Variants in SMARCA5 observed in about 807,000 individuals in gnomAD.
SMARCA5 encodes SNF2 related chromatin remodeling ATPase 5.
In SMARCA5, 18 loss-of-function variants were observed where a neutral mutation model predicts 140.4. The observed-to-expected ratio is 0.13, with a 90% CI of 0.09 to 0.19. The LOEUF (loss-of-function observed/expected upper bound fraction) is 0.19. Among genes scored for constraint, SMARCA5 ranks in the 10% least tolerant of loss-of-function variants. The pLI, the probability that SMARCA5 is intolerant of heterozygous loss-of-function variation, is 1.00. For missense variants in SMARCA5, 606 were observed against 1,276.8 expected, an observed-to-expected ratio of 0.47 and a Z score of 8.01; for synonymous variants, 449 against 419.6, an observed-to-expected ratio of 1.07 and a Z score of -0.86.
chr4:143,540,321 G>A, intron 13 of SMARCA5, 42 bp from the exon 14 acceptor site: 1 of 1,501,690 alleles, frequency 6.7e-7, no homozygotes, highest in Non-Finnish European at 9.0e-7. Context: ...TTATTTATGT[G>A]ACTTTTAAAC....
chr4:143,532,070 G>A (rs192571643), intron 9 of SMARCA5, among the ~76,000 whole-genome samples: 54 of 152,322 alleles, frequency 3.5e-4, no homozygotes, highest in African/African-American at 1.2e-3. Flanking sequence ...CTGGCACAAT[G>A]CCTAGTTAGA....
chr4:143,547,467 A>G lies in SMARCA5; in HGVS notation c.2736A>G (p.Gln912=). ...AQIERGEARI[Q]RRISIKKALD... The stretch of plus-strand genomic sequence containing the variant: ...TTGAAAGGGGAGAGGCGAGAATTCA[A>G]AGAAGAATAAGCATCAAGAAAGCAC... Residue 912 remains glutamine, a synonymous_variant, in exon 21 of 24, where the codon CAA becomes CAG. Transcript: ENST00000283131. 1.2e-6 allele frequency: 2 copies of G among 1,606,494 alleles called. No individual in the cohort carries two copies. Among genetic ancestry groups the G allele is most frequent in the Non-Finnish European group, 1.7e-6 (2 of 1,173,448 alleles).
At chr4:143,540,319 G>T in intron 13 of SMARCA5, 44 bp from the exon 14 acceptor site, 1 of 1,499,050 alleles carries the variant, frequency 6.7e-7, no homozygotes. Flanking sequence ...TGTTATTTAT[G>T]TGACTTTTAA....
At chr4:143,519,979 C>T (rs1478830464) in intron 2 of SMARCA5, among the ~76,000 whole-genome samples, 1 of 152,072 alleles carries the variant, frequency 6.6e-6, no homozygotes, top group East Asian at 1.9e-4. Context: ...TACCTCATTT[C>T]TTCCTGTTTC....
At chr4:143,539,335 T>C (rs1737382513) in intron 13 of SMARCA5, among the ~76,000 whole-genome samples, 1 of 152,188 alleles carries the variant, frequency 6.6e-6, no homozygotes, top group Non-Finnish European at 1.5e-5. Flanking sequence ...AGTATAGTTA[T>C]ATCACAGGAC....
At chr4:143,525,385 T>C (rs570704869) in intron 4 of SMARCA5, 66 bp from the exon 5 acceptor site, 1 of 954,412 alleles carries the variant, frequency 1.0e-6, no homozygotes, top group East Asian at 2.4e-5. Flanking sequence ...TGTGTAGGCT[T>C]AGATGAAGAG....
intron 9 of SMARCA5, among the ~76,000 whole-genome samples, chr4:143,534,050 C>T (rs1486910268): frequency 1.3e-5 from 2 of 152,074 alleles, no homozygotes; most frequent in Non-Finnish European, 2.9e-5. Flanking sequence ...CACCGTTTTC[C>T]CAACGGCATG....
chr4:143,516,301 A>T (rs756425418), intron 1 of SMARCA5, among the ~76,000 whole-genome samples: 1 of 150,660 alleles, frequency 6.6e-6, no homozygotes, highest in African/African-American at 2.4e-5. Flanking sequence ...CTTGATACTA[A>T]TAGGTCAATG....
At chr4:143,536,357 G>A in intron 10 of SMARCA5, 95 bp from the exon 11 acceptor site, 2 of 777,096 alleles carry the variant, frequency 2.6e-6, no homozygotes, top group Non-Finnish European at 4.4e-6. Context: ...ACAGATATTT[G>A]GGGGTTCATG....
Position 143,530,518 on chromosome 4 carries a change from C to A in SMARCA5, c.1150C>A (p.Leu384Ile). The change falls in exon 9 of 24, where the codon CTT becomes ATT. Residue 384 changes from leucine to isoleucine, a missense_variant. Physicochemically the swap from Leu to Ile is conservative, Grantham distance 5. Around this residue, in one of 10 missense-constraint regions of SMARCA5, gnomAD observed 15 missense variants for 27.4 expected, o/e 0.55. Transcript: ENST00000283131. ...TGGGGATCAAAAACTAGTTGAGAGG[C>A]TTCATATGGTAAGTATTTTGGAGTA... is the stretch of plus-strand genomic sequence containing the variant. ...CLGDQKLVER[L>I]HMVLRPFLLR... The A allele has an allele frequency of 6.2e-7, 1 of 1,608,196 alleles. No individual in the cohort carries two copies. Among genetic ancestry groups the A allele is most frequent in the Non-Finnish European group, 8.5e-7 (1 of 1,175,952 alleles).
intron 11 of SMARCA5, among the ~76,000 whole-genome samples, chr4:143,538,290 T>TAAA (rs1737356504): frequency 6.6e-6 from 1 of 152,182 alleles, no homozygotes; most frequent in Non-Finnish European, 1.5e-5. Context: ...AGTGGAAAGT[T>TAAA]ATTTTTAAAT....
At chr4:143,514,612 T>A (rs1480507647) in intron 1 of SMARCA5, 1 of 153,310 alleles carries the variant, frequency 6.5e-6, no homozygotes. Flanking sequence ...GTATCTGTTG[T>A]GGGCAGAAAC....
At position 143,536,341 on chromosome 4, in the gene SMARCA5, TTTC is replaced by T. The variant is rs779317075; in HGVS notation, c.1269-108_1269-106del. 8.4e-6 allele frequency: 6 copies of T among 713,856 alleles called. No homozygotes were observed. The East Asian group carries it at 1.3e-4, about 16-fold the overall frequency. 44.2% of individuals were successfully genotyped at this position (713,856 alleles called of 1,614,324 possible). A position where few individuals can be genotyped will look rare whatever the true frequency, so the allele number is the denominator to read the frequency against. ...ACCATACCTAGAAGTTGATGAGTAG[TTTC>T]TTACAGATATTTGGGGGTTCATGTG... On this transcript the variant is annotated intron_variant, in intron 10 of 23. Coordinates refer to ENST00000283131, the MANE Select transcript of SMARCA5 (RefSeq NM_003601.4).
chr4:143,544,923 G>C (rs776635235), intron 17 of SMARCA5, 76 bp downstream of exon 17: 1 of 653,368 alleles, frequency 1.5e-6, no homozygotes, highest in Non-Finnish European at 2.6e-6. Flanking sequence ...CTTGCAAAAA[G>C]ATTGATAATT....
In SMARCA5 at chr4:143,517,430, G is replaced by A. The variant is rs1254904243; in HGVS notation, c.252+1G>A. The stretch of plus-strand genomic sequence containing the variant: ...AGATCCTACCTATGAAGAAAAAATG[G>A]TATGTTCTAGGCTTGTGAATAGAGT... On this transcript the variant is annotated splice_donor_variant, in intron 2 of 23. Coordinates refer to ENST00000283131, the MANE Select transcript of SMARCA5 (RefSeq NM_003601.4). LOFTEE classifies it high-confidence loss of function. 1 of 1,602,402 alleles carries A rather than the reference G, an allele frequency of 6.2e-7. No homozygotes were observed. The highest frequency in any genetic ancestry group is 8.5e-7 in the Non-Finnish European group (1 of 1,172,008).
In SMARCA5 at chr4:143,555,146, C is replaced by G; in HGVS notation, c.*1962C>G. 1.4e-6 allele frequency: 1 copy of G among 706,236 alleles called. No homozygotes were observed. 43.7% of individuals were successfully genotyped at this position (706,236 alleles called of 1,614,324 possible). On this transcript the variant is annotated 3_prime_UTR_variant, in exon 24 of 24. Transcript: ENST00000283131. ...GGAACTGCCTTAACCACTACTGCTA[C>G]TGGAACTGCCTTAGCCACCTTGGTA...
rs769482645 is a variant in SMARCA5 at position 143,514,068 on chromosome 4, G to C, written c.144G>C (p.Ala48=). 1.6e-5 allele frequency: 25 copies of C among 1,561,078 alleles called. No individual in the cohort carries two copies. The highest frequency in any genetic ancestry group is 2.1e-5 in the Non-Finnish European group (24 of 1,161,966). The change falls in exon 1 of 24, where the codon GCG becomes GCC. Residue 48 remains alanine, a synonymous_variant. Coordinates refer to ENST00000283131, the MANE Select transcript of SMARCA5 (RefSeq NM_003601.4). ...TCGCGGCGCAGGCGGTTGCGTCTGC[G>C]GCCAGCGCTGGTCCCGCAGACGCCG... ...EGVAAQAVAS[A]ASAGPADAEM...
intron 2 of SMARCA5, among the ~76,000 whole-genome samples, chr4:143,521,184 C>G (rs1468706820): frequency 2.6e-5 from 4 of 152,158 alleles, no homozygotes; most frequent in African/African-American, 9.7e-5. Flanking sequence ...CACCTCCTTG[C>G]CACTTCTGAT....
rs1399223962 is a variant in SMARCA5, at chr4:143,554,191, A to G, written c.*1007A>G. 6.6e-6 allele frequency: 1 copy of G among 152,148 alleles called. No homozygotes were observed. The highest frequency in any genetic ancestry group is 2.4e-5 in the African/African-American group (1 of 41,462). The allele number at this position is 152,148 out of a possible 1,614,324, so 9.4% of individuals were successfully genotyped here. ...ACAGACCTGATAAACTGGAGACCCT[A>G]AAGCAGGAATACCCAAATTATAGTG... is the stretch of plus-strand genomic sequence containing the variant. On this transcript the variant is annotated 3_prime_UTR_variant, in exon 24 of 24. Coordinates refer to ENST00000283131, the MANE Select transcript of SMARCA5 (RefSeq NM_003601.4).
Sources: gnomAD v4.1 joint callset for allele counts (sites outside exome capture counted in the v4.1 genomes callset) on GRCh38, gnomAD v4.1.1 for gene constraint, gnomAD v4.1.1 regional missense constraint, MANE v1.5 for transcripts, NCBI Gene and HGNC (gene_info 2026-07-23, HGNC 2026-07-21) for gene names.